The following PRKG1 variants were observed in gnomAD, a reference collection of about 807,000 sequenced individuals.
PRKG1 encodes cGMP-dependent protein kinase 1.
PRKG1 carries 35 observed loss-of-function variants against 88.1 expected under a neutral mutation model. The observed-to-expected ratio is 0.40, with a 90% CI of 0.30 to 0.53. The LOEUF (loss-of-function observed/expected upper bound fraction) is 0.53, where lower values mean the gene tolerates loss of function less well. Among genes scored for constraint, PRKG1 ranks in the 20% least tolerant of loss-of-function variants. PRKG1 has a pLI of 0.59. For synonymous variants in PRKG1, 303 were observed against 292.5 expected (o/e 1.04, Z -0.37); for missense variants, 540 against 839.8 (o/e 0.64, Z 4.41).
At chr10:51,534,817 A>G (rs1589053573) in intron 3 of PRKG1, among the ~76,000 whole-genome samples, 1 of 152,300 alleles carries the variant, frequency 6.6e-6, no homozygotes, top group Admixed American at 6.5e-5. Flanking sequence ...AATTTTATCT[A>G]GGAGGATTGG....
rs879574766 is a variant in PRKG1 at position 51,051,873 on chromosome 10, C to T, written c.266+60229C>T. Among the ~76,000 whole-genome samples, 11 of 152,154 alleles carry T rather than the reference C, an allele frequency of 7.2e-5. No individual in the cohort carries two copies. The East Asian group carries it at 1.5e-3, about 21-fold the overall frequency. ...CACATTCCTAAGGCTTAAGAAAAAT[C>T]GATTCAGGATGATAATACCACAAGT... is the stretch of plus-strand genomic sequence containing the variant. On this transcript the variant is annotated intron_variant, in intron 1 of 17. Coordinates refer to the PRKG1 transcript ENST00000401604.
At chr10:51,192,073 C>T (rs10995994) in intron 2 of PRKG1, among the ~76,000 whole-genome samples, 1 of 151,528 alleles carries the variant, frequency 6.6e-6, no homozygotes, top group African/African-American at 2.4e-5. Flanking sequence ...TGCACATATG[C>T]TGAAAAACTT....
intron 1 of PRKG1, among the ~76,000 whole-genome samples, chr10:51,061,317 A>G (rs1160969886): frequency 6.6e-6 from 1 of 152,110 alleles, no homozygotes; most frequent in Non-Finnish European, 1.5e-5. Flanking sequence ...ATTCAGTATC[A>G]TGAGAATAGC....
chr10:52,014,904 G>T (rs995873061), intron 5 of PRKG1, among the ~76,000 whole-genome samples: 2 of 152,222 alleles, frequency 1.3e-5, no homozygotes, highest in African/African-American at 4.8e-5. Context: ...CTGATGCAAG[G>T]CATAGGTTCC....
intron 2 of PRKG1, among the ~76,000 whole-genome samples, chr10:51,177,160 T>G (rs2132018697): frequency 6.6e-6 from 1 of 152,316 alleles, no homozygotes; most frequent in African/African-American, 2.4e-5. Context: ...TGTGTTGAAC[T>G]ATTTCCTAAC....
chr10:51,345,752 T>C (rs778104098), intron 2 of PRKG1, among the ~76,000 whole-genome samples: 8 of 152,188 alleles, frequency 5.3e-5, no homozygotes, highest in Admixed American at 2.6e-4. Flanking sequence ...TTATTGAGCA[T>C]GTGCTTTGTG....
chr10:51,228,693 T>G (rs1281963242), intron 2 of PRKG1, among the ~76,000 whole-genome samples: 2 of 152,324 alleles, frequency 1.3e-5, no homozygotes, highest in Admixed American at 1.3e-4. Context: ...TTCAATTGCA[T>G]GTACGATGTA....
At chr10:51,280,751 T>C (rs1031275904) in intron 2 of PRKG1, among the ~76,000 whole-genome samples, 6 of 152,230 alleles carry the variant, frequency 3.9e-5, no homozygotes, top group African/African-American at 1.4e-4. Context: ...CTGGTTATTC[T>C]AGTTAGCCAT....
chr10:51,994,829 T>C (rs1295489568), intron 5 of PRKG1, among the ~76,000 whole-genome samples: 4 of 152,196 alleles, frequency 2.6e-5, no homozygotes, highest in Non-Finnish European at 5.9e-5. Context: ...TCCCTGAGAT[T>C]GAAGAAGTCA....
At chr10:50,993,587 G>A (rs985502943) in intron 1 of PRKG1, among the ~76,000 whole-genome samples, 8 of 152,302 alleles carry the variant, frequency 5.3e-5, no homozygotes, top group South Asian at 2.1e-4. Context: ...GCGGTCACCC[G>A]GCAGCTGCTC....
intron 2 of PRKG1, among the ~76,000 whole-genome samples, chr10:51,464,931 T>TTTGAACC (rs1839857601): frequency 6.6e-6 from 1 of 151,150 alleles, no homozygotes; most frequent in African/African-American, 2.4e-5. Flanking sequence ...GGAAAATAAG[T>TTTGAACC]TTGAACCAGA....
At chr10:51,215,761 G>A (rs560927111) in intron 2 of PRKG1, among the ~76,000 whole-genome samples, 43 of 152,216 alleles carry the variant, frequency 2.8e-4, no homozygotes, top group African/African-American at 9.4e-4. Flanking sequence ...AAACTTGGTA[G>A]CCTACCATTC....
intron 2 of PRKG1, among the ~76,000 whole-genome samples, chr10:51,304,116 G>A (rs866965894): frequency 2.7e-4 from 41 of 151,904 alleles, no homozygotes; most frequent in African/African-American, 7.7e-4. Context: ...CACCGTGCCC[G>A]GACAAAATAT....
chr10:51,780,610 A>T (rs994178206), intron 3 of PRKG1, among the ~76,000 whole-genome samples: 4 of 152,094 alleles, frequency 2.6e-5, no homozygotes, highest in Admixed American at 2.6e-4. Context: ...TCATTTCTGG[A>T]CCCTATAATT....
chr10:51,072,573 C>A (rs1434874487), upstream of PRKG1, among the ~76,000 whole-genome samples: 1 of 151,978 alleles, frequency 6.6e-6, no homozygotes, highest in East Asian at 1.9e-4. Context: ...GTAAGTTGCT[C>A]ATTTCTTCAT....
intron 5 of PRKG1, among the ~76,000 whole-genome samples, chr10:51,933,045 TTA>T (rs1842727588): frequency 6.6e-6 from 1 of 152,156 alleles, no homozygotes; most frequent in Non-Finnish European, 1.5e-5. Flanking sequence ...CTTTAGTACA[TTA>T]TCACACATTG....
chr10:51,757,082 C>G lies in PRKG1; in HGVS notation c.593-47503C>G, dbSNP rs186157677. ...TATTTTTTTTATAATTTTGCATTTC[C>G]TCACTTTCATTTTATTTTATTTTAT... On this transcript the variant is annotated intron_variant, in intron 3 of 17. Transcript: ENST00000373980. Among the ~76,000 whole-genome samples the G allele has an allele frequency of 2.1e-3, 321 of 151,568 alleles. 1 individual carries two copies. Among genetic ancestry groups the G allele is most frequent in the Non-Finnish European group, 2.0e-3 (139 of 67,864 alleles).
intron 3 of PRKG1, among the ~76,000 whole-genome samples, chr10:51,656,557 A>C (rs1840165179): frequency 6.6e-6 from 1 of 152,084 alleles, no homozygotes; most frequent in Non-Finnish European, 1.5e-5. Flanking sequence ...CTTTCACCGC[A>C]AAGTATTTGT....
Position 52,166,828 on chromosome 10 carries a change from T to TAC in PRKG1, c.1076+4865_1076+4866insAC, listed in dbSNP as rs1491462760. Reference sequence around the variant, plus strand: ...ATATATGTATATATATGTATATATATGTATATATATGTATATATATGTCTA... The same window carrying TAC: ...ATATATGTATATATATGTATATATATACGTATATATATGTATATATATGTCTA... On this transcript the variant is annotated intron_variant, in intron 9 of 17. Coordinates refer to ENST00000373980, the MANE Select transcript of PRKG1 (RefSeq NM_006258.4). Among the ~76,000 whole-genome samples the TAC allele has an allele frequency of 7.8e-3, 20 of 2,550 alleles. 1 individual carries two copies. The highest frequency in any genetic ancestry group is 0.011 in the African/African-American group (20 of 1,870). The allele number at this position is 2,550 out of a possible 152,430, so 1.7% of individuals were successfully genotyped here.
Sources: gnomAD v4.1 joint callset for allele counts (sites outside exome capture counted in the v4.1 genomes callset) on GRCh38, gnomAD v4.1.1 for gene constraint, MANE v1.5 for transcripts, NCBI Gene and HGNC (gene_info 2026-07-23, HGNC 2026-07-21) for gene names.